Variants in HSD17B14 observed in about 807,000 individuals in gnomAD.
The protein encoded by HSD17B14 is hydroxysteroid 17-beta dehydrogenase 14.
In HSD17B14, 32 loss-of-function variants were observed where a neutral mutation model predicts 32.2. That is an observed-to-expected ratio of 0.99 (90% CI 0.75 to 1.33). The LOEUF (loss-of-function observed/expected upper bound fraction) is 1.33, where lower values mean the gene tolerates loss of function less well. Ranked by LOEUF, HSD17B14 falls within the 40% of genes most tolerant of loss-of-function variation. HSD17B14 has a pLI of 0.00. For missense variants in HSD17B14, 370 were observed against 366.5 expected, an observed-to-expected ratio of 1.01 and a Z score of -0.08; for synonymous variants, 140 against 155.4, an observed-to-expected ratio of 0.90 and a Z score of 0.74.
Position 48,834,299 on chromosome 19 carries a change from C to T in HSD17B14, c.187G>A (p.Val63Met), listed in dbSNP as rs755193292. 6.8e-6 allele frequency: 11 copies of T among 1,614,068 alleles called. No individual in the cohort carries two copies. Among genetic ancestry groups the T allele is most frequent in the Non-Finnish European group, 9.3e-6 (11 of 1,179,930 alleles). Reference protein sequence around the residue: ...LPGAVFILCDVTQEDDVKTLV... With the variant: ...LPGAVFILCDMTQEDDVKTLV... The stretch of plus-strand genomic sequence containing the variant: ...ACCTTCACATCATCTTCCTGAGTCA[C>T]ATCACAGAGGATAAAGACAGCTCCA... Residue 63 changes from valine to methionine, a missense_variant, in exon 3 of 9, where the codon GTG (valine) becomes ATG (methionine). Coordinates refer to ENST00000263278, the MANE Select transcript of HSD17B14 (RefSeq NM_016246.3).
chr19:48,831,471 T>C (rs908967296), intron 5 of HSD17B14, among the ~76,000 whole-genome samples, 197 bp downstream of exon 5: 1 of 151,942 alleles, frequency 6.6e-6, no homozygotes, highest in South Asian at 2.1e-4. Context: ...GAGAATCGCT[T>C]GAACCCAGGA....
At chr19:48,813,810 G>T in intron 6 of HSD17B14, 80 bp from the exon 7 acceptor site, 1 of 1,510,090 alleles carries the variant, frequency 6.6e-7, no homozygotes, top group Non-Finnish European at 9.2e-7. Context: ...TGCCAGCCAG[G>T]GGGGCATCAG....
At chr19:48,821,348 C>G (rs1300645612) in intron 5 of HSD17B14, among the ~76,000 whole-genome samples, 2 of 152,190 alleles carry the variant, frequency 1.3e-5, no homozygotes, top group African/African-American at 4.8e-5. Flanking sequence ...CAATCCAGCT[C>G]TGAGAGACTA....
chr19:48,833,193 C>T (rs536891980), intron 3 of HSD17B14, among the ~76,000 whole-genome samples: 63 of 150,752 alleles, frequency 4.2e-4, no homozygotes, highest in Non-Finnish European at 8.1e-4. Context: ...GATCAGCAGA[C>T]ACAGCAGGCA....
chr19:48,827,539 TCTC>T lies in HSD17B14; in HGVS notation c.369+4126_369+4128del, dbSNP rs1423309393. Among the ~76,000 whole-genome samples, 4 of 149,764 alleles carry T rather than the reference TCTC, an allele frequency of 2.7e-5. No homozygotes were observed. In the East Asian group the frequency reaches 7.8e-4, roughly 29 times the overall value. On this transcript the variant is annotated intron_variant, in intron 5 of 8. Transcript: ENST00000263278. ...AGGGAAAGGCTTTGATGTGTGTTCT[TCTC>T]CTTCGTTTTTTTTTAGATAGAGTCT...
intron 5 of HSD17B14, among the ~76,000 whole-genome samples, chr19:48,823,234 A>G (rs912525165): frequency 6.6e-6 from 1 of 151,936 alleles, no homozygotes; most frequent in African/African-American, 2.4e-5. Flanking sequence ...AAATGGTGAG[A>G]CTCTGTCTCT....
chr19:48,834,484 GGGC>G (rs1488974466), intron 2 of HSD17B14, 126 bp from the exon 3 acceptor site: 97 of 495,712 alleles, frequency 2.0e-4, no homozygotes, highest in Admixed American at 5.5e-4. Context: ...GAGGGAGGAG[GGGC>G]TGAGGTCTGG....
At chr19:48,831,529 G>A in intron 5 of HSD17B14, 139 bp downstream of exon 5, 1 of 701,516 alleles carries the variant, frequency 1.4e-6, no homozygotes, top group South Asian at 1.5e-5. Flanking sequence ...CTCCAGCCTG[G>A]GCGACAGAGA....
chr19:48,816,834 C>CTTTTCTT (rs2035065464), intron 5 of HSD17B14, among the ~76,000 whole-genome samples: 2 of 36,650 alleles, frequency 5.5e-5, no homozygotes, highest in African/African-American at 2.2e-4. Context: ...TTTTCTTTCT[C>CTTTTCTT]TCTCTCTCTC....
At chr19:48,834,212 G>T in intron 3 of HSD17B14, 64 bp downstream of exon 3, 1 of 1,338,450 alleles carries the variant, frequency 7.5e-7, no homozygotes, top group South Asian at 1.2e-5. Flanking sequence ...TATGCAAATG[G>T]CTGGAGGAGA....
rs2035406897 is a variant in HSD17B14 at position 48,834,266 on chromosome 19, C to T, written c.210+10G>A. ...GCGGAGATGGGGGTAGGAACAGGAA[C>T]TCGGCTTACCTTCACATCATCTTCC... On this transcript the variant is annotated intron_variant, in intron 3 of 8. Transcript: ENST00000263278. The T allele has an allele frequency of 1.2e-6, 2 of 1,611,528 alleles. No homozygotes were observed. The highest frequency in any genetic ancestry group is 2.2e-5 in the South Asian group (2 of 91,008).
At chr19:48,818,032 C>T (rs1352129790) in intron 5 of HSD17B14, among the ~76,000 whole-genome samples, 3 of 152,176 alleles carry the variant, frequency 2.0e-5, no homozygotes, top group African/African-American at 7.2e-5. Context: ...GAACTTTAGG[C>T]CAGGCACAGT....
At chr19:48,817,459 G>A (rs903830515) in intron 5 of HSD17B14, among the ~76,000 whole-genome samples, 3 of 152,042 alleles carry the variant, frequency 2.0e-5, no homozygotes, top group South Asian at 2.1e-4. Context: ...GATTACAGGC[G>A]TCAGCCACCA....
intron 5 of HSD17B14, among the ~76,000 whole-genome samples, chr19:48,821,000 C>G (rs1361863709): frequency 6.7e-6 from 1 of 148,390 alleles, no homozygotes; most frequent in African/African-American, 2.5e-5. Context: ...CCCCACCCAG[C>G]CAGGATGGAT....
intron 5 of HSD17B14, among the ~76,000 whole-genome samples, chr19:48,820,132 G>T (rs756001399): frequency 6.6e-6 from 1 of 151,970 alleles, no homozygotes; most frequent in Non-Finnish European, 1.5e-5. Context: ...ACTCCAGCAT[G>T]GGCAACACAG....
At chr19:48,833,601 C>T (rs368734018) in intron 3 of HSD17B14, among the ~76,000 whole-genome samples, 1,791 of 151,662 alleles carry the variant, frequency 0.012, 14 homozygotes, top group South Asian at 0.038. Flanking sequence ...CTGAGGCGGG[C>T]GGATCATCTG....
intron 5 of HSD17B14, among the ~76,000 whole-genome samples, chr19:48,824,777 A>AAAAG (rs150958177): frequency 5.6e-5 from 8 of 142,104 alleles, no homozygotes; most frequent in Non-Finnish European, 1.1e-4. Context: ...GACAAAAAAA[A>AAAAG]AAAGAAAGAA....
chr19:48,831,754 G>C lies in HSD17B14; in HGVS notation c.283C>G (p.Pro95Ala). ...GAGGTCTCCTCAGGCCTCTGTGGGG[G>C]TGGGTCTAAAGTGGGGGGTGAGAGA... Reference protein sequence around the residue: ...CVVNNAGHHPPPQRPEETSAQ... With the variant: ...CVVNNAGHHPAPQRPEETSAQ... Residue 95 changes from proline (P) to alanine (A), a missense_variant, in exon 5 of 9, where the codon CCC (proline) becomes GCC (alanine). Transcript: ENST00000263278. 6.2e-7 allele frequency: 1 copy of C among 1,609,930 alleles called. No homozygotes were observed. The highest frequency in any genetic ancestry group is 8.5e-7 in the Non-Finnish European group (1 of 1,176,878).
At chr19:48,819,885 C>A (rs552218325) in intron 5 of HSD17B14, among the ~76,000 whole-genome samples, 5 of 152,264 alleles carry the variant, frequency 3.3e-5, no homozygotes, top group Admixed American at 2.6e-4. Flanking sequence ...TGGTGGCTCA[C>A]GCCTGTAATC....
Sources: gnomAD v4.1 joint callset for allele counts (sites outside exome capture counted in the v4.1 genomes callset) on GRCh38, gnomAD v4.1.1 for gene constraint, MANE v1.5 for transcripts, NCBI Gene and HGNC (gene_info 2026-07-23, HGNC 2026-07-21) for gene names.